Variants in PTCHD4 observed in about 807,000 individuals in gnomAD.
The protein encoded by PTCHD4 is patched domain-containing protein 4.
In PTCHD4, 33 loss-of-function variants were observed where a neutral mutation model predicts 58.1. The ratio of observed to expected loss-of-function variants is 0.57; its 90% CI spans 0.43 to 0.76. PTCHD4 has a LOEUF of 0.76. Ranked by LOEUF, PTCHD4 falls within the 30% of genes least tolerant of loss-of-function variation. PTCHD4 has a pLI of 0.00. For missense variants in PTCHD4, 1,058 were observed against 1,027.1 expected, an observed-to-expected ratio of 1.03 and a Z score of -0.41; for synonymous variants, 478 against 409.6, an observed-to-expected ratio of 1.17 and a Z score of -2.02.
chr6:47,990,141 C>T (rs1768226113), intron 4 of PTCHD4, among the ~76,000 whole-genome samples: 1 of 152,102 alleles, frequency 6.6e-6, no homozygotes, highest in South Asian at 2.1e-4. Flanking sequence ...CAATTTCTCC[C>T]CTTTGGAATG....
chr6:48,108,806 T>C (rs972281602), intron 1 of PTCHD4, among the ~76,000 whole-genome samples: 7 of 151,784 alleles, frequency 4.6e-5, no homozygotes, highest in African/African-American at 1.4e-4. Flanking sequence ...GGCTTCATAA[T>C]ACAGAGAACA....
chr6:47,979,658 C>T (rs904083559), intron 4 of PTCHD4, among the ~76,000 whole-genome samples: 1 of 151,936 alleles, frequency 6.6e-6, no homozygotes, highest in Admixed American at 6.6e-5. Flanking sequence ...ATATTTATGT[C>T]TAATATTAAT....
rs190773514 is a variant in PTCHD4 at position 48,071,056 on chromosome 6, T to C, written c.-969-1130A>G. Among the ~76,000 whole-genome samples the C allele has an allele frequency of 3.2e-3, 492 of 152,334 alleles. 2 individuals are homozygous for C. The highest frequency in any genetic ancestry group is 0.011 in the African/African-American group (439 of 41,582). ...CTAGAAATGACAGAGATTAAGTGAC[T>C]TCAAGGCCACCCTCAGAGTTCTCTG... is the stretch of plus-strand genomic sequence containing the variant. On this transcript the variant is annotated intron_variant, in intron 1 of 4. Coordinates refer to ENST00000339488, the MANE Select transcript of PTCHD4 (RefSeq NM_001384253.1).
rs1767850592 is a variant in PTCHD4, at chr6:47,980,595, A to G, written c.898+28039T>C. On this transcript the variant is annotated intron_variant, in intron 4 of 4. Coordinates refer to ENST00000339488, the MANE Select transcript of PTCHD4 (RefSeq NM_001384253.1). Reference sequence around the variant, plus strand: ...TTATTGAATTCTGTTGATAACTTCAATGTTATCACATCCTTTTCTTTAAAT... The same window carrying G: ...TTATTGAATTCTGTTGATAACTTCAGTGTTATCACATCCTTTTCTTTAAAT... Among the ~76,000 whole-genome samples the G allele has an allele frequency of 2.6e-5, 4 of 152,206 alleles. No homozygotes were observed. In the South Asian group the frequency reaches 8.3e-4, roughly 32 times the overall value.
chr6:47,928,593 T>C (rs55682802), intron 4 of PTCHD4, among the ~76,000 whole-genome samples: 3,247 of 152,330 alleles, frequency 0.021, 124 homozygotes, highest in African/African-American at 0.071. Flanking sequence ...TACTTCCTTA[T>C]GTACTCCCAA....
At chr6:48,074,190 G>A (rs1350537109) in intron 1 of PTCHD4, among the ~76,000 whole-genome samples, 1 of 151,942 alleles carries the variant, frequency 6.6e-6, no homozygotes, top group Non-Finnish European at 1.5e-5. Flanking sequence ...CATTTTAGAG[G>A]CAATTTTGGT....
chr6:47,901,344 G>A lies in PTCHD4; in HGVS notation c.899-21408C>T, dbSNP rs529889710. On this transcript the variant is annotated intron_variant, in intron 4 of 4. Transcript: ENST00000339488. ...ATGTTTTTGTCTGGTTTTAGTATCA[G>A]GGTAATATTTATCTCATAGAATTAT... The A allele has an allele frequency of 6.0e-4, 394 of 658,164 alleles. 2 individuals are homozygous for A. The highest frequency in any genetic ancestry group is 5.5e-3 in the Middle Eastern group (7 of 1,282). 40.8% of individuals were successfully genotyped at this position (658,164 alleles called of 1,614,324 possible).
chr6:47,985,467 CTT>C (rs369190957), intron 4 of PTCHD4, among the ~76,000 whole-genome samples: 843 of 152,058 alleles, frequency 5.5e-3, no homozygotes, highest in Non-Finnish European at 9.0e-3. Flanking sequence ...TTTATATAGA[CTT>C]AAAATATTTT....
At chr6:47,913,476 A>G (rs1433486406) in intron 4 of PTCHD4, among the ~76,000 whole-genome samples, 2 of 152,036 alleles carry the variant, frequency 1.3e-5, no homozygotes, top group African/African-American at 4.8e-5. Flanking sequence ...TCACTCTGGT[A>G]AAAAATCAGA....
chr6:47,971,128 C>T (rs1041196637), intron 4 of PTCHD4, among the ~76,000 whole-genome samples: 7 of 151,968 alleles, frequency 4.6e-5, no homozygotes, highest in Non-Finnish European at 1.0e-4. Flanking sequence ...GCCTTGAAGT[C>T]GGAACACTGA....
intron 4 of PTCHD4, among the ~76,000 whole-genome samples, chr6:47,891,635 T>G (rs968697161): frequency 6.6e-6 from 1 of 152,214 alleles, no homozygotes; most frequent in Non-Finnish European, 1.5e-5. Flanking sequence ...CTACCCTCTC[T>G]TCTTGACAGT....
chr6:48,013,251 T>G (rs1762748515), intron 3 of PTCHD4, among the ~76,000 whole-genome samples: 1 of 152,106 alleles, frequency 6.6e-6, no homozygotes, highest in Non-Finnish European at 1.5e-5. Context: ...TGCCTCAATT[T>G]CAGAACAAGA....
At chr6:47,917,418 A>G (rs1325583379) in intron 4 of PTCHD4, among the ~76,000 whole-genome samples, 2 of 152,178 alleles carry the variant, frequency 1.3e-5, no homozygotes, top group African/African-American at 4.8e-5. Context: ...GAAATGGACA[A>G]TGGCTCTCAC....
chr6:48,045,834 G>A (rs769603337), intron 3 of PTCHD4, among the ~76,000 whole-genome samples: 4 of 148,554 alleles, frequency 2.7e-5, no homozygotes, highest in East Asian at 2.0e-4. Flanking sequence ...TGACTTTAAC[G>A]CATCTTCATT....
intron 4 of PTCHD4, among the ~76,000 whole-genome samples, chr6:47,972,976 T>C (rs1054999407): frequency 2.0e-5 from 3 of 152,146 alleles, no homozygotes; most frequent in African/African-American, 7.2e-5. Context: ...TATTATAATC[T>C]CTCATTATGT....
intron 4 of PTCHD4, among the ~76,000 whole-genome samples, chr6:47,945,550 A>G (rs112327388): frequency 4.8e-4 from 73 of 152,082 alleles, no homozygotes; most frequent in African/African-American, 1.7e-3. Context: ...GCTTATTTTT[A>G]CACTTTTTAT....
intron 4 of PTCHD4, among the ~76,000 whole-genome samples, chr6:47,926,476 C>T (rs1389278281): frequency 6.6e-6 from 1 of 152,156 alleles, no homozygotes; most frequent in Non-Finnish European, 1.5e-5. Context: ...CCTGGATAAG[C>T]AGCATCAGCT....
In PTCHD4 at chr6:47,873,004, C is replaced by A. The variant is rs1763757735; in HGVS notation, c.*5299G>T. The stretch of plus-strand genomic sequence containing the variant: ...ACTCACAAAATATAGTCAATGAGAG[C>A]CACTCTGGGAATGAATGATGCTTAT... On this transcript the variant is annotated 3_prime_UTR_variant, in exon 5 of 5. Coordinates refer to ENST00000339488, the MANE Select transcript of PTCHD4 (RefSeq NM_001384253.1). Among the ~76,000 whole-genome samples, 1 of 151,596 alleles carries A rather than the reference C, an allele frequency of 6.6e-6. No individual in the cohort carries two copies. Among genetic ancestry groups the A allele is most frequent in the Non-Finnish European group, 1.5e-5 (1 of 67,752 alleles).
chr6:47,982,222 G>T (rs1031943720), intron 4 of PTCHD4, among the ~76,000 whole-genome samples: 4 of 152,104 alleles, frequency 2.6e-5, no homozygotes, highest in Admixed American at 2.6e-4. Context: ...AAGGAGGGGA[G>T]CTATTAAAAA....
Sources: gnomAD v4.1 joint callset for allele counts (sites outside exome capture counted in the v4.1 genomes callset) on GRCh38, gnomAD v4.1.1 for gene constraint, MANE v1.5 for transcripts, NCBI Gene and HGNC (gene_info 2026-07-23, HGNC 2026-07-21) for gene names.